CNTNAP5: variants seen among roughly 807,000 people sequenced by gnomAD.
CNTNAP5 encodes the protein contactin associated protein family member 5, also known as contactin-associated protein-like 5.
CNTNAP5 carries 72 observed loss-of-function variants against 150.2 expected under a neutral mutation model. The observed-to-expected ratio is 0.48, with a 90% CI of 0.40 to 0.58. The LOEUF is 0.58. CNTNAP5 is among the 20% of genes least tolerant of loss of function. The pLI is 0.00. For missense variants in CNTNAP5, 1,636 were observed against 1,626.2 expected (o/e 1.01, Z -0.10); for synonymous variants, 672 against 619.8 (o/e 1.08, Z -1.25).
chr2:124,174,968 T>C (rs1204665807), intron 1 of CNTNAP5, among the ~76,000 whole-genome samples: 1 of 152,234 alleles, frequency 6.6e-6, no homozygotes, highest in Non-Finnish European at 1.5e-5. Flanking sequence ...TATGACTTGC[T>C]GAAGGCTCAG....
At chr2:124,777,060 G>A (rs1041931511) in intron 17 of CNTNAP5, among the ~76,000 whole-genome samples, 1 of 151,804 alleles carries the variant, frequency 6.6e-6, no homozygotes, top group Admixed American at 6.6e-5. Flanking sequence ...GAGCGCTAGC[G>A]GGCAGGTCCT....
chr2:124,740,042 T>C (rs971759369), intron 13 of CNTNAP5, among the ~76,000 whole-genome samples: 5 of 151,386 alleles, frequency 3.3e-5, no homozygotes, highest in Non-Finnish European at 7.4e-5. Flanking sequence ...ATATAATATA[T>C]GCAATTCACA....
chr2:124,612,357 G>A (rs1476164262), intron 12 of CNTNAP5, among the ~76,000 whole-genome samples: 5 of 152,118 alleles, frequency 3.3e-5, no homozygotes, highest in Admixed American at 2.0e-4. Context: ...TAATTTTAAT[G>A]TGTTGTGTAG....
intron 16 of CNTNAP5, among the ~76,000 whole-genome samples, chr2:124,765,044 ACT>A (rs1681040866): frequency 6.6e-6 from 1 of 152,108 alleles, no homozygotes; most frequent in Admixed American, 6.6e-5. Flanking sequence ...AGAAAATAAT[ACT>A]TTCTATTAAT....
chr2:124,902,437 T>C (rs554352895), intron 21 of CNTNAP5, among the ~76,000 whole-genome samples: 1 of 152,092 alleles, frequency 6.6e-6, no homozygotes, highest in South Asian at 2.1e-4. Flanking sequence ...TACCTCTTTA[T>C]TTTTTTTCTC....
intron 14 of CNTNAP5, among the ~76,000 whole-genome samples, chr2:124,754,813 A>G (rs1290935959): frequency 6.6e-6 from 1 of 152,016 alleles, no homozygotes; most frequent in Non-Finnish European, 1.5e-5. Context: ...TCGAACTCTC[A>G]AAGTTATGGG....
At chr2:124,653,924 G>A (rs977555248) in intron 13 of CNTNAP5, among the ~76,000 whole-genome samples, 3 of 10,142 alleles carry the variant, frequency 3.0e-4, no homozygotes, top group South Asian at 5.0e-3. Context: ...CCCCCCCCCC[G>A]CCACACACAC....
chr2:124,102,834 C>T (rs1573755072), intron 1 of CNTNAP5, among the ~76,000 whole-genome samples: 1 of 152,276 alleles, frequency 6.6e-6, no homozygotes, highest in East Asian at 1.9e-4. Flanking sequence ...TCAGGTAAAG[C>T]ACTTAAGACA....
At chr2:124,660,075 GAA>G (rs1446974870) in intron 13 of CNTNAP5, among the ~76,000 whole-genome samples, 50 of 151,254 alleles carry the variant, frequency 3.3e-4, no homozygotes, top group African/African-American at 8.7e-4. Context: ...AGGAAGGAAG[GAA>G]GGAAGGGAGG....
chr2:124,198,343 A>T (rs1685640249), intron 1 of CNTNAP5, among the ~76,000 whole-genome samples: 1 of 152,028 alleles, frequency 6.6e-6, no homozygotes, highest in South Asian at 2.1e-4. Context: ...TGTGGCCTAG[A>T]TTTTTACTCC....
intron 1 of CNTNAP5, among the ~76,000 whole-genome samples, chr2:124,212,975 A>T (rs963244766): frequency 6.6e-6 from 1 of 151,422 alleles, no homozygotes; most frequent in Non-Finnish European, 1.5e-5. Context: ...AGTAGCTGGG[A>T]CTACAGGCGC....
chr2:124,214,473 A>G (rs1486701540), intron 1 of CNTNAP5, among the ~76,000 whole-genome samples: 1 of 152,126 alleles, frequency 6.6e-6, no homozygotes, highest in African/African-American at 2.4e-5. Flanking sequence ...TGAATTTGCG[A>G]TAATTACTTT....
At chr2:124,713,151 C>T (rs1209112312) in intron 13 of CNTNAP5, among the ~76,000 whole-genome samples, 2 of 150,044 alleles carry the variant, frequency 1.3e-5, no homozygotes, top group Non-Finnish European at 3.0e-5. Context: ...TTCCTTCCTT[C>T]CTTCCTCCCT....
At chr2:124,466,683 G>A (rs1693385597) in intron 6 of CNTNAP5, among the ~76,000 whole-genome samples, 1 of 152,192 alleles carries the variant, frequency 6.6e-6, no homozygotes, top group Admixed American at 6.6e-5. Context: ...AGATGAGACA[G>A]ATTTTGTTCG....
chr2:124,763,726 A>C lies in CNTNAP5; in HGVS notation c.2289A>C (p.Ile763=), dbSNP rs1275517175. The change falls in exon 15 of 24, where the codon ATA becomes ATC. Residue 763 remains isoleucine, a synonymous_variant. Transcript: ENST00000682447. The part of the protein sequence containing the change: ...SFKDHLPVTQ[I]VITDTDRSNS... Reference sequence around the variant, plus strand: ...AAGACCACTTGCCTGTCACTCAGATAGTTATCACTGATACCGACAGATCAA... The same window carrying C: ...AAGACCACTTGCCTGTCACTCAGATCGTTATCACTGATACCGACAGATCAA... The C allele has an allele frequency of 1.9e-6, 3 of 1,613,012 alleles. No individual in the cohort carries two copies. Among genetic ancestry groups the C allele is most frequent in the Non-Finnish European group, 2.5e-6 (3 of 1,179,382 alleles).
chr2:124,581,536 G>C (rs1362466937), intron 11 of CNTNAP5, among the ~76,000 whole-genome samples: 1 of 152,172 alleles, frequency 6.6e-6, no homozygotes, highest in Non-Finnish European at 1.5e-5. Context: ...TATTGGTAAA[G>C]GTTAGACAGA....
At chr2:124,209,091 A>C (rs1440708807) in intron 1 of CNTNAP5, among the ~76,000 whole-genome samples, 5 of 152,110 alleles carry the variant, frequency 3.3e-5, no homozygotes, top group Non-Finnish European at 7.3e-5. Context: ...ACTGAGACCC[A>C]CCGCTGTGAT....
chr2:124,221,058 C>T (rs1415322723), intron 1 of CNTNAP5, among the ~76,000 whole-genome samples: 1 of 152,120 alleles, frequency 6.6e-6, no homozygotes, highest in Admixed American at 6.6e-5. Context: ...AGAAAGAATA[C>T]TTTCCACATT....
At chr2:124,072,820 A>C (rs754987755) in intron 1 of CNTNAP5, among the ~76,000 whole-genome samples, 16 of 152,058 alleles carry the variant, frequency 1.1e-4, no homozygotes, top group Non-Finnish European at 1.9e-4. Flanking sequence ...TCCTTATCAA[A>C]ATACCAATGA....
Sources: gnomAD v4.1 joint callset for allele counts (sites outside exome capture counted in the v4.1 genomes callset) on GRCh38, gnomAD v4.1.1 for gene constraint, MANE v1.5 for transcripts, NCBI Gene and HGNC (gene_info 2026-07-23, HGNC 2026-07-21) for gene names.